ATF6B: variants seen among roughly 807,000 people sequenced by gnomAD.
The protein encoded by ATF6B is cyclic AMP-dependent transcription factor ATF-6 beta.
Under a neutral mutation model 83.5 loss-of-function variants are expected in ATF6B, and 50 were observed. The ratio of observed to expected loss-of-function variants is 0.60; its 90% CI spans 0.48 to 0.76. ATF6B has a LOEUF of 0.76. ATF6B is among the 30% of genes least tolerant of loss of function. The probability of loss-of-function intolerance (pLI) is 0.00; values close to 1 mark genes in which losing one functional copy is unlikely to be tolerated. For missense variants in ATF6B, 790 were observed against 893.8 expected, an observed-to-expected ratio of 0.88 and a Z score of 1.48; for synonymous variants, 344 against 362.8, an observed-to-expected ratio of 0.95 and a Z score of 0.59.
intron 5 of ATF6B, among the ~76,000 whole-genome samples, chr6:32,123,641 G>T (rs946141137): frequency 6.6e-6 from 1 of 152,160 alleles, no homozygotes; most frequent in Non-Finnish European, 1.5e-5. Context: ...GCCCGCCTTG[G>T]CCTCCCAAAG....
chr6:32,126,716 C>T (rs1326176857), intron 4 of ATF6B, among the ~76,000 whole-genome samples: 1 of 152,022 alleles, frequency 6.6e-6, no homozygotes, highest in Non-Finnish European at 1.5e-5. Context: ...AAAAATTAGC[C>T]AGACATGGTG....
At chr6:32,126,291 G>A (rs1282508226) in intron 4 of ATF6B, 39 bp from the exon 5 acceptor site, 35 of 1,597,044 alleles carry the variant, frequency 2.2e-5, no homozygotes, top group Non-Finnish European at 2.9e-5. Flanking sequence ...GCAGAAAGAA[G>A]GGCAAAAAAC....
chr6:32,115,747 G>A lies in ATF6B; in HGVS notation c.2104C>T (p.His702Tyr). ...AGTGTGAATGGCAGAGGTCAGGGAT[G>A]ATTGAGGTAGAGGGGCTGGTGGGAG... ...QASHQPLYLN[H>Y]P The change falls in exon 18 of 18, where the codon CAT becomes TAT. Residue 702 changes from histidine to tyrosine, a missense_variant. This residue lies in a region of ATF6B where 530 missense variants were observed against 632.6 expected (regional missense o/e 0.84). Coordinates refer to ENST00000375203, the MANE Select transcript of ATF6B (RefSeq NM_004381.5). 6.3e-7 allele frequency: 1 copy of A among 1,599,578 alleles called. No homozygotes were observed. Among genetic ancestry groups the A allele is most frequent in the African/African-American group, 1.3e-5 (1 of 74,962 alleles).
intron 3 of ATF6B, 27 bp from the exon 4 acceptor site, chr6:32,127,221 C>G (rs1782018349): frequency 6.3e-7 from 1 of 1,579,064 alleles, no homozygotes; most frequent in Non-Finnish European, 8.6e-7. Flanking sequence ...TAGAAATTAT[C>G]AGGAAGCAGA....
chr6:32,127,337 C>G, intron 3 of ATF6B, 105 bp downstream of exon 3: 1 of 1,387,604 alleles, frequency 7.2e-7, no homozygotes, highest in East Asian at 2.4e-5. Flanking sequence ...AGAGGATAGG[C>G]ACTTATGTAG....
At position 32,118,939 on chromosome 6, in the gene ATF6B, G is replaced by A; in HGVS notation, c.1152+17C>T. The A allele has an allele frequency of 6.2e-7, 1 of 1,614,046 alleles. No individual in the cohort carries two copies. Among genetic ancestry groups the A allele is most frequent in the Non-Finnish European group, 8.5e-7 (1 of 1,179,918 alleles). On this transcript the variant is annotated intron_variant, in intron 10 of 17. Coordinates refer to ENST00000375203, the MANE Select transcript of ATF6B (RefSeq NM_004381.5). The surrounding 1 kb of genome is among the most constrained non-coding windows in gnomAD (Gnocchi z 5.2). ...GGCTGTATTCCTGTTGGTCTCCCAGGGACAGACTGGTCTTACTTCAGCCAG... is the reference window on the plus strand; with the variant it reads ...GGCTGTATTCCTGTTGGTCTCCCAGAGACAGACTGGTCTTACTTCAGCCAG...
Position 32,118,733 on chromosome 6 carries a change from G to A in ATF6B, c.1244+42C>T. ...CAGGCAGCTAGGAGGCTGTAACGTG[G>A]GCTCCACCTGGAAGGTTCTAGTGAA... On this transcript the variant is annotated intron_variant, in intron 11 of 17. Transcript: ENST00000375203. The surrounding 1 kb of genome is among the most constrained non-coding windows in gnomAD (Gnocchi z 5.2). 3.1e-6 allele frequency: 5 copies of A among 1,590,506 alleles called. No individual in the cohort carries two copies. Among genetic ancestry groups the A allele is most frequent in the Non-Finnish European group, 4.3e-6 (5 of 1,158,920 alleles).
At chr6:32,124,567 C>A in intron 5 of ATF6B, among the ~76,000 whole-genome samples, 1 of 152,194 alleles carries the variant, frequency 6.6e-6, no homozygotes, top group East Asian at 1.9e-4. Context: ...TCTCCAAAGG[C>A]CCCCACCTAT....
Position 32,115,481 on chromosome 6 carries a change from C to G in ATF6B, c.*258G>C, listed in dbSNP as rs1300757185. ...AAATATGCAGCAGCTCACCACCCAC[C>G]CCACAACTGAACCTCACACAATCCC... On this transcript the variant is annotated 3_prime_UTR_variant, in exon 18 of 18. Transcript: ENST00000375203. The G allele has an allele frequency of 2.4e-6, 1 of 414,686 alleles. No individual in the cohort carries two copies. Among genetic ancestry groups the G allele is most frequent in the Non-Finnish European group, 4.2e-6 (1 of 236,342 alleles). The allele number at this position is 414,686 out of a possible 1,614,324, so 25.7% of individuals were successfully genotyped here. A position where few individuals can be genotyped will look rare whatever the true frequency, so the allele number is the denominator to read the frequency against.
In ATF6B at chr6:32,126,176, G is replaced by C; in HGVS notation, c.419C>G (p.Pro140Arg). The change falls in exon 5 of 18, where the codon CCA becomes CGA. Residue 140 changes from proline to arginine, a missense_variant. Pro to Arg is a moderately radical substitution (Grantham distance 103). This residue lies in a region of ATF6B where 253 missense variants were observed against 243.1 expected (regional missense o/e 1.04). Transcript: ENST00000375203. Reference protein sequence around the residue: ...APPLCLLGDDPTSSFETVQIN... With the variant: ...APPLCLLGDDRTSSFETVQIN... ...CTGGACGGTTTCAAATGAGGATGTT[G>C]GGTCATCTCCCAGGAGACACAGTGG... 6.2e-7 allele frequency: 1 copy of C among 1,614,180 alleles called. No individual in the cohort carries two copies. Among genetic ancestry groups the C allele is most frequent in the Non-Finnish European group, 8.5e-7 (1 of 1,180,034 alleles).
At position 32,121,068 on chromosome 6, in the gene ATF6B, T is replaced by A; in HGVS notation, c.621A>T (p.Gly207=). 2 of 1,564,784 alleles carry A rather than the reference T, an allele frequency of 1.3e-6. No individual in the cohort carries two copies. Among genetic ancestry groups the A allele is most frequent in the Non-Finnish European group, 1.7e-6 (2 of 1,157,914 alleles). The part of the protein sequence containing the change: ...EVKTESLSPS[G]CLLWDVPAPS... Reference sequence around the variant, plus strand: ...GGGCTGGGACATCCCACAGGAGGCATCCTGAAGGGGACAGGGACTCTGTCT... The same window carrying A: ...GGGCTGGGACATCCCACAGGAGGCAACCTGAAGGGGACAGGGACTCTGTCT... Residue 207 remains glycine (G), a synonymous_variant, in exon 7 of 18, where the codon GGA becomes GGT. Coordinates refer to ENST00000375203, the MANE Select transcript of ATF6B (RefSeq NM_004381.5).
rs1206580580 is a variant in ATF6B, at chr6:32,119,449, G to C, written c.967-308C>G. Among the ~76,000 whole-genome samples, 3 of 152,142 alleles carry C rather than the reference G, an allele frequency of 2.0e-5. No individual in the cohort carries two copies. The highest frequency in any genetic ancestry group is 2.9e-5 in the Non-Finnish European group (2 of 68,034). On this transcript the variant is annotated intron_variant, in intron 9 of 17. Coordinates refer to ENST00000375203, the MANE Select transcript of ATF6B (RefSeq NM_004381.5). This position sits in a 1 kb window ranked among gnomAD's most constrained non-coding sequence, Gnocchi z 4.9. ...CTTCCTGTCAGCCCACATTTGTAGG[G>C]TTCAAAGTTTAACCTTGTTATACTG... is the stretch of plus-strand genomic sequence containing the variant.
Position 32,119,755 on chromosome 6 carries a change from C to A in ATF6B, c.966+69G>T. 1 of 1,577,154 alleles carries A rather than the reference C, an allele frequency of 6.3e-7. No individual in the cohort carries two copies. Among genetic ancestry groups the A allele is most frequent in the Non-Finnish European group, 8.6e-7 (1 of 1,158,420 alleles). ...TCGACTCCCTCCTCATCCCACAGTTCTCTCTATGGCAAGACTTCCCTCTTC... is the reference window on the plus strand; with the variant it reads ...TCGACTCCCTCCTCATCCCACAGTTATCTCTATGGCAAGACTTCCCTCTTC... On this transcript the variant is annotated intron_variant, in intron 9 of 17. Transcript: ENST00000375203. The surrounding 1 kb of genome is among the most constrained non-coding windows in gnomAD (Gnocchi z 4.9).
At chr6:32,120,690 A>AT (rs1158654547) in intron 8 of ATF6B, 81 bp downstream of exon 8, 1 of 1,512,268 alleles carries the variant, frequency 6.6e-7, no homozygotes, top group Non-Finnish European at 9.0e-7. Flanking sequence ...ACCTCAGGTG[A>AT]TTCGCCCGCC....
At chr6:32,127,806 C>G (rs1418621341) in intron 1 of ATF6B, 56 bp from the exon 2 acceptor site, 2 of 1,565,826 alleles carry the variant, frequency 1.3e-6, no homozygotes, top group Non-Finnish European at 1.8e-6. Flanking sequence ...CTACAGATCG[C>G]ACACAAGCCC....
At chr6:32,123,942 C>T (rs746024293) in intron 5 of ATF6B, among the ~76,000 whole-genome samples, 13 of 152,082 alleles carry the variant, frequency 8.5e-5, no homozygotes, top group African/African-American at 2.4e-4. Context: ...TGGTGGCTTA[C>T]GCCTGTAATC....
chr6:32,117,920 G>T lies in ATF6B; in HGVS notation c.1363C>A (p.Gln455Lys). The change falls in exon 12 of 18, where the codon CAG (glutamine) becomes AAG (lysine). Residue 455 changes from glutamine (Q) to lysine (K), a missense_variant. Physicochemically the swap from Gln to Lys is moderately conservative, Grantham distance 53. This residue lies in a region of ATF6B where 530 missense variants were observed against 632.6 expected (regional missense o/e 0.84). Coordinates refer to ENST00000375203, the MANE Select transcript of ATF6B (RefSeq NM_004381.5). This position sits in a 1 kb window ranked among gnomAD's most constrained non-coding sequence, Gnocchi z 5.0. The stretch of plus-strand genomic sequence containing the variant: ...TCCTTAGGGCCCTGGGAGGACCCCT[G>T]GAGAGGTTCAACTCCCTGAACTGGC... ...QEPVQGVEPL[Q>K]GSSQGPKEPQ... 1 of 1,607,106 alleles carries T rather than the reference G, an allele frequency of 6.2e-7. No homozygotes were observed. Among genetic ancestry groups the T allele is most frequent in the Non-Finnish European group, 8.5e-7 (1 of 1,176,736 alleles).
At chr6:32,127,777 G>C (rs761215893) in intron 1 of ATF6B, 27 bp from the exon 2 acceptor site, 3 of 1,611,362 alleles carry the variant, frequency 1.9e-6, no homozygotes, top group Non-Finnish European at 2.5e-6. Flanking sequence ...GCGTCGGGGG[G>C]TCGTTCGGTG....
intron 5 of ATF6B, among the ~76,000 whole-genome samples, chr6:32,123,936 G>A (rs1781864577): frequency 6.6e-6 from 1 of 152,054 alleles, no homozygotes; most frequent in African/African-American, 2.4e-5. Flanking sequence ...TGGGCATGGT[G>A]GCTTACGCCT....
Sources: gnomAD v4.1 joint callset for allele counts (sites outside exome capture counted in the v4.1 genomes callset) on GRCh38, gnomAD v4.1.1 for gene constraint, gnomAD v4.1.1 regional missense constraint, Gnocchi (gnomAD v3.1) non-coding constraint, MANE v1.5 for transcripts, NCBI Gene and HGNC (gene_info 2026-07-23, HGNC 2026-07-21) for gene names.